NKAIN3: variants seen among roughly 807,000 people sequenced by gnomAD.
The protein encoded by NKAIN3 is sodium/potassium transporting ATPase interacting 3.
Under a neutral mutation model 30.2 loss-of-function variants are expected in NKAIN3, and 25 were observed. The ratio of observed to expected loss-of-function variants is 0.83; its 90% CI spans 0.60 to 1.16. The LOEUF (loss-of-function observed/expected upper bound fraction) is 1.16, where lower values mean the gene tolerates loss of function less well. Among genes scored for constraint, NKAIN3 ranks in the 50% most tolerant of loss-of-function variants. NKAIN3 has a pLI of 0.00. For missense variants in NKAIN3, 225 were observed against 254.1 expected (o/e 0.89, Z 0.78); for synonymous variants, 91 against 89.6 (o/e 1.02, Z -0.09).
intron 4 of NKAIN3, among the ~76,000 whole-genome samples, chr8:62,827,968 T>C (rs935396749): frequency 6.6e-6 from 1 of 152,128 alleles, no homozygotes. Flanking sequence ...CACATGAAAG[T>C]TCATAGCAGA....
rs1318616383 is a variant in NKAIN3 at position 62,975,313 on chromosome 8, A to C, written c.*9906A>C. Among the ~76,000 whole-genome samples the C allele has an allele frequency of 6.6e-6, 1 of 151,732 alleles. No individual in the cohort carries two copies. Among genetic ancestry groups the C allele is most frequent in the Non-Finnish European group, 1.5e-5 (1 of 67,872 alleles). ...CCTGGGCTTTTTTTTTTAGTTGGTCAGCTATTAATTACTGCCTCAATTTCA... is the reference window on the plus strand; with the variant it reads ...CCTGGGCTTTTTTTTTTAGTTGGTCCGCTATTAATTACTGCCTCAATTTCA... On this transcript the variant is annotated 3_prime_UTR_variant, in exon 7 of 7. Transcript: ENST00000623646.
intron 3 of NKAIN3, among the ~76,000 whole-genome samples, chr8:62,632,656 C>T (rs1812000761): frequency 6.6e-6 from 1 of 152,076 alleles, no homozygotes; most frequent in Non-Finnish European, 1.5e-5. Flanking sequence ...CCGTGTGCCA[C>T]CATGCCTGGC....
chr8:62,488,876 C>G (rs1241928404), intron 1 of NKAIN3, among the ~76,000 whole-genome samples: 1 of 152,108 alleles, frequency 6.6e-6, no homozygotes, highest in African/African-American at 2.4e-5. Flanking sequence ...AACTTTTGCT[C>G]TGCCACTTAG....
chr8:62,844,890 G>A lies in NKAIN3; in HGVS notation c.472-73563G>A, dbSNP rs538914758. On this transcript the variant is annotated intron_variant, in intron 4 of 6. Coordinates refer to ENST00000623646, the MANE Select transcript of NKAIN3 (RefSeq NM_001304533.3). ...CGACTAACCACAGCATCACCAACAC[G>A]AATCATACTCCCATTACCCAACAAG... Among the ~76,000 whole-genome samples the A allele has an allele frequency of 3.3e-5, 5 of 152,008 alleles. No homozygotes were observed. The East Asian group carries it at 5.9e-4, about 18-fold the overall frequency.
chr8:62,309,758 C>T (rs1484173599), intron 1 of NKAIN3, among the ~76,000 whole-genome samples: 2 of 150,214 alleles, frequency 1.3e-5, no homozygotes, highest in Non-Finnish European at 2.9e-5. Flanking sequence ...CATAACTTAG[C>T]AGGAAAGTAG....
intron 3 of NKAIN3, among the ~76,000 whole-genome samples, chr8:62,648,664 G>A (rs984971749): frequency 4.6e-5 from 7 of 152,288 alleles, no homozygotes; most frequent in African/African-American, 1.4e-4. Flanking sequence ...TAACAAAAAG[G>A]TGAATGTACA....
chr8:62,906,661 T>G (rs1041537589), intron 4 of NKAIN3, among the ~76,000 whole-genome samples: 4 of 152,194 alleles, frequency 2.6e-5, no homozygotes, highest in African/African-American at 9.7e-5. Context: ...TCTCATGAGA[T>G]CTGCTGGTTT....
intron 3 of NKAIN3, among the ~76,000 whole-genome samples, chr8:62,675,753 T>G (rs573160017): frequency 5.0e-4 from 76 of 152,222 alleles, no homozygotes; most frequent in African/African-American, 1.8e-3. Flanking sequence ...TCATAGGAAG[T>G]TCCTTATAAA....
intron 3 of NKAIN3, among the ~76,000 whole-genome samples, chr8:62,617,441 T>A (rs192766101): frequency 6.6e-6 from 1 of 152,290 alleles, no homozygotes; most frequent in Admixed American, 6.5e-5. Context: ...ACTCTGACAC[T>A]AGGTCATAAA....
chr8:62,986,696 T>C (rs987402037), downstream of NKAIN3, among the ~76,000 whole-genome samples: 11 of 152,226 alleles, frequency 7.2e-5, no homozygotes, highest in African/African-American at 2.2e-4. Context: ...ATTGCATTTA[T>C]TATGGTACTC....
chr8:62,882,818 A>T (rs1821027127), intron 4 of NKAIN3, among the ~76,000 whole-genome samples: 1 of 152,186 alleles, frequency 6.6e-6, no homozygotes, highest in Non-Finnish European at 1.5e-5. Context: ...TCTTTGCTCC[A>T]TTATGCTACC....
intron 5 of NKAIN3, among the ~76,000 whole-genome samples, chr8:62,920,572 G>A (rs576802153): frequency 1.3e-5 from 2 of 152,236 alleles, no homozygotes; most frequent in African/African-American, 2.4e-5. Context: ...GCCAGATATC[G>A]TCGTTCCATT....
At chr8:62,900,544 C>T (rs960375217) in intron 4 of NKAIN3, among the ~76,000 whole-genome samples, 3 of 152,176 alleles carry the variant, frequency 2.0e-5, no homozygotes, top group African/African-American at 7.2e-5. Flanking sequence ...TAATTAAACT[C>T]TGTGCCTCAA....
At chr8:62,261,442 C>T (rs1422768149) in intron 1 of NKAIN3, among the ~76,000 whole-genome samples, 3 of 152,160 alleles carry the variant, frequency 2.0e-5, no homozygotes, top group African/African-American at 4.8e-5. Flanking sequence ...TCTAGAATCT[C>T]TCACTATGAG....
rs1029885048 is a variant in NKAIN3, at chr8:62,937,002, CATATT to C, written c.533-16890_533-16886del. Among the ~76,000 whole-genome samples, 21 of 151,836 alleles carry C rather than the reference CATATT, an allele frequency of 1.4e-4. No homozygotes were observed. The East Asian group carries it at 3.9e-3, about 28-fold the overall frequency. ...ATGAAGATATTCTTCTATATTATAT[CATATT>C]ATATTATATATTAAGCATCTTACAT... is the stretch of plus-strand genomic sequence containing the variant. On this transcript the variant is annotated intron_variant, in intron 5 of 6. Coordinates refer to ENST00000623646, the MANE Select transcript of NKAIN3 (RefSeq NM_001304533.3).
Position 62,972,588 on chromosome 8 carries a change from T to C in NKAIN3, c.*7181T>C, listed in dbSNP as rs543625653. Among the ~76,000 whole-genome samples, 11 of 152,306 alleles carry C rather than the reference T, an allele frequency of 7.2e-5. No homozygotes were observed. The South Asian group carries it at 2.1e-3, about 29-fold the overall frequency. ...AGTTGACATTTGTGAAGGCAGATTA[T>C]ACACATGAGACAGTGGTGAATAAAT... On this transcript the variant is annotated 3_prime_UTR_variant, in exon 7 of 7. Coordinates refer to ENST00000623646, the MANE Select transcript of NKAIN3 (RefSeq NM_001304533.3).
intron 3 of NKAIN3, among the ~76,000 whole-genome samples, chr8:62,725,472 C>A (rs942716159): frequency 2.0e-5 from 3 of 152,012 alleles, no homozygotes; most frequent in African/African-American, 7.2e-5. Context: ...AAGGGTTTCC[C>A]CAAAGTTTTC....
At chr8:62,671,082 T>C (rs899608065) in intron 3 of NKAIN3, among the ~76,000 whole-genome samples, 2 of 152,158 alleles carry the variant, frequency 1.3e-5, no homozygotes, top group Non-Finnish European at 2.9e-5. Context: ...TTATTTAAGA[T>C]TCTCAGCACT....
At chr8:62,914,566 T>C (rs999507885) in intron 4 of NKAIN3, among the ~76,000 whole-genome samples, 9 of 152,150 alleles carry the variant, frequency 5.9e-5, no homozygotes, top group African/African-American at 2.2e-4. Context: ...GGATAAAACA[T>C]GGACTAGATG....
Sources: allele counts gnomAD v4.1 joint callset (sites outside exome capture counted in the v4.1 genomes callset), GRCh38; gene constraint gnomAD v4.1.1; transcripts MANE v1.5; gene names NCBI Gene and HGNC (gene_info 2026-07-23, HGNC 2026-07-21).